The following PNPLA8 variants were observed in gnomAD, a reference collection of about 807,000 sequenced individuals.
PNPLA8 encodes calcium-independent phospholipase A2-gamma.
Under a neutral mutation model 76.9 loss-of-function variants are expected in PNPLA8, and 39 were observed. The observed-to-expected ratio is 0.51, with a 90% CI of 0.39 to 0.66. The LOEUF is 0.66. Among genes scored for constraint, PNPLA8 ranks in the 30% least tolerant of loss-of-function variants. The pLI is 0.00. For missense variants in PNPLA8, 887 were observed against 918.0 expected (o/e 0.97, Z 0.44); for synonymous variants, 301 against 307.9 (o/e 0.98, Z 0.24).
At chr7:108,487,630 T>C in intron 9 of PNPLA8, 129 bp downstream of exon 9, 1 of 487,060 alleles carries the variant, frequency 2.1e-6, no homozygotes, top group Non-Finnish European at 3.6e-6. Flanking sequence ...TTGTTCTTCT[T>C]TTGAGATATG....
chr7:108,484,295 T>C (rs1860593626), intron 9 of PNPLA8, among the ~76,000 whole-genome samples: 1 of 152,220 alleles, frequency 6.6e-6, no homozygotes, highest in Non-Finnish European at 1.5e-5. Flanking sequence ...GCTCTGCTTA[T>C]AGTTAGCCTA....
rs999876521 is a variant in PNPLA8 at position 108,506,730 on chromosome 7, T to C, written c.1207-4088A>G. On this transcript the variant is annotated intron_variant, in intron 4 of 10. Transcript: ENST00000257694. The stretch of plus-strand genomic sequence containing the variant: ...TGAGTGAAAAAAAAAACCAGACATA[T>C]AAGAACACATGCTGTATAATTCATA... Among the ~76,000 whole-genome samples the C allele has an allele frequency of 3.3e-5, 5 of 151,586 alleles. No individual in the cohort carries two copies. The East Asian group carries it at 9.7e-4, about 30-fold the overall frequency.
At chr7:108,490,715 C>A (rs13224950) in intron 8 of PNPLA8, among the ~76,000 whole-genome samples, 5 of 150,084 alleles carry the variant, frequency 3.3e-5, no homozygotes, top group African/African-American at 1.2e-4. Flanking sequence ...GCCCGGGAGG[C>A]GGAGCTTGCA....
rs775654542 is a variant in PNPLA8, at chr7:108,491,462, C to T, written c.1631G>A (p.Arg544Lys). The change falls in exon 8 of 11, where the codon AGG becomes AAG. Residue 544 changes from arginine to lysine, a missense_variant. Transcript: ENST00000257694. Reference protein sequence around the residue: ...SQTWENILKDRMGSALMIETA... With the variant: ...SQTWENILKDKMGSALMIETA... ...TTCAATCATCAGTGCAGATCCCATCCTATCCCTTTATTAAAGGAGAAAAAA... is the reference window on the plus strand; with the variant it reads ...TTCAATCATCAGTGCAGATCCCATCTTATCCCTTTATTAAAGGAGAAAAAA... 1.3e-6 allele frequency: 2 copies of T among 1,596,434 alleles called. No homozygotes were observed. Among genetic ancestry groups the T allele is most frequent in the South Asian group, 1.1e-5 (1 of 90,692 alleles).
intron 9 of PNPLA8, among the ~76,000 whole-genome samples, chr7:108,486,806 C>T (rs1180281144): frequency 4.6e-5 from 7 of 151,934 alleles, no homozygotes; most frequent in Admixed American, 2.0e-4. Flanking sequence ...TTTTGAATGC[C>T]GTCTTAATAT....
chr7:108,506,447 A>T (rs1044207163), intron 4 of PNPLA8, among the ~76,000 whole-genome samples: 5 of 149,956 alleles, frequency 3.3e-5, no homozygotes, highest in African/African-American at 1.2e-4. Flanking sequence ...ATTCTGGTGA[A>T]AGAATAAATT....
chr7:108,498,798 G>A (rs575357576), intron 5 of PNPLA8, among the ~76,000 whole-genome samples: 1 of 152,226 alleles, frequency 6.6e-6, no homozygotes, highest in Non-Finnish European at 1.5e-5. Flanking sequence ...AAACTGTCAT[G>A]TGTGTATCAT....
At position 108,488,480 on chromosome 7, in the gene PNPLA8, AG is replaced by A. The variant is rs1232254457; in HGVS notation, c.1684-528del. 6.6e-5 allele frequency among the ~76,000 whole-genome samples: 10 copies of A among 152,302 alleles called. No homozygotes were observed. The East Asian group carries it at 9.7e-4, about 15-fold the overall frequency. On this transcript the variant is annotated intron_variant, in intron 8 of 10. Transcript: ENST00000257694. ...TTCCAGCTACTCGGGAGGCTGAGGC[AG>A]GAGAATTGCTTGCCCAGGAGGTGGG...
chr7:108,513,487 T>A (rs540176611), intron 4 of PNPLA8, among the ~76,000 whole-genome samples: 1 of 152,216 alleles, frequency 6.6e-6, no homozygotes, highest in South Asian at 2.1e-4. Flanking sequence ...AATAGATTTC[T>A]AATGAAATGT....
At chr7:108,506,333 G>A (rs1347910600) in intron 4 of PNPLA8, among the ~76,000 whole-genome samples, 5 of 152,006 alleles carry the variant, frequency 3.3e-5, no homozygotes, top group South Asian at 4.2e-4. Context: ...AGCCGAGATC[G>A]CACCACTGCA....
At position 108,479,353 on chromosome 7, in the gene PNPLA8, A is replaced by C. The variant is rs1249368133; in HGVS notation, c.1905T>G (p.Pro635=). 1.2e-6 allele frequency: 2 copies of C among 1,612,126 alleles called. No individual in the cohort carries two copies. Among genetic ancestry groups the C allele is most frequent in the South Asian group, 2.2e-5 (2 of 90,570 alleles). Residue 635 remains proline (P), a synonymous_variant, in exon 10 of 11, where the codon CCT becomes CCG. Transcript: ENST00000257694. ...TACACTCATGCATAGCTAATGCCGA[A>C]GGGTTATTCAGAAGCAAACCTCCAT... ...HQDGGLLLNN[P]SALAMHECKC... is the part of the protein sequence containing the mutation.
chr7:108,474,284 T>C (rs1051927721), intron 10 of PNPLA8, among the ~76,000 whole-genome samples: 1 of 152,204 alleles, frequency 6.6e-6, no homozygotes, highest in African/African-American at 2.4e-5. Context: ...ATATGTTTTA[T>C]AGTTTCAGCT....
chr7:108,509,670 T>C (rs926584214), intron 4 of PNPLA8, among the ~76,000 whole-genome samples: 1 of 151,874 alleles, frequency 6.6e-6, no homozygotes, highest in Non-Finnish European at 1.5e-5. Flanking sequence ...AGCCATTCCA[T>C]TACTGGGTAT....
At chr7:108,508,897 A>T (rs1862668744) in intron 4 of PNPLA8, among the ~76,000 whole-genome samples, 1 of 121,910 alleles carries the variant, frequency 8.2e-6, no homozygotes, top group Admixed American at 8.3e-5. Flanking sequence ...CTGATCTTTG[A>T]CAAACCTGAG....
At chr7:108,520,477 G>A (rs1317601504) in intron 2 of PNPLA8, among the ~76,000 whole-genome samples, 1 of 152,116 alleles carries the variant, frequency 6.6e-6, no homozygotes, top group Non-Finnish European at 1.5e-5. Flanking sequence ...GATAAGAGAG[G>A]TTGGTTAATG....
At chr7:108,487,281 A>G (rs912385304) in intron 9 of PNPLA8, among the ~76,000 whole-genome samples, 3 of 152,182 alleles carry the variant, frequency 2.0e-5, no homozygotes, top group Non-Finnish European at 2.9e-5. Context: ...CTACCTCGTA[A>G]GTAGCAAGGA....
Position 108,526,050 on chromosome 7 carries a change from T to C in PNPLA8, c.-151A>G, listed in dbSNP as rs1215143306. The C allele has an allele frequency of 2.0e-6, 2 of 985,452 alleles. No homozygotes were observed. The highest frequency in any genetic ancestry group is 1.7e-5 in the African/African-American group (1 of 57,226). The allele number at this position is 985,452 out of a possible 1,614,324, so 61.0% of individuals were successfully genotyped here. A position where few individuals can be genotyped will look rare whatever the true frequency, so the allele number is the denominator to read the frequency against. The stretch of plus-strand genomic sequence containing the variant: ...TTACCGGGATGCAGGCCGCAGTCAC[T>C]AGGGCTGCAGCGGCGACTCGCTCGT... On this transcript the variant is annotated 5_prime_UTR_variant, in exon 1 of 11. Transcript: ENST00000257694.
At chr7:108,486,495 A>G (rs1433677256) in intron 9 of PNPLA8, among the ~76,000 whole-genome samples, 1 of 152,126 alleles carries the variant, frequency 6.6e-6, no homozygotes, top group African/African-American at 2.4e-5. Flanking sequence ...GAAAGAGAAG[A>G]AAGGCAAGAA....
At chr7:108,520,730 TA>T (rs771555000) in intron 2 of PNPLA8, among the ~76,000 whole-genome samples, 70 of 151,494 alleles carry the variant, frequency 4.6e-4, no homozygotes, top group South Asian at 1.7e-3. Flanking sequence ...ATATATCATT[TA>T]AAAAAAAATT....
Sources: gnomAD v4.1 joint callset for allele counts (sites outside exome capture counted in the v4.1 genomes callset) on GRCh38, gnomAD v4.1.1 for gene constraint, MANE v1.5 for transcripts, NCBI Gene and HGNC (gene_info 2026-07-23, HGNC 2026-07-21) for gene names.